PREX1: variants seen among roughly 807,000 people sequenced by gnomAD.
The protein encoded by PREX1 is phosphatidylinositol-3,4,5-trisphosphate dependent Rac exchange factor 1.
In PREX1, 41 loss-of-function variants were observed where a neutral mutation model predicts 198.3. The ratio of observed to expected loss-of-function variants is 0.21; its 90% confidence interval spans 0.16 to 0.27. The LOEUF is 0.27. Among genes scored for constraint, PREX1 ranks in the 10% least tolerant of loss-of-function variants. The probability of loss-of-function intolerance (pLI) is 1.00; values close to 1 mark genes in which losing one functional copy is unlikely to be tolerated. For synonymous variants in PREX1, 843 were observed against 887.2 expected, an observed-to-expected ratio of 0.95 and a Z score of 0.89; for missense variants, 1,620 against 2,200.7, an observed-to-expected ratio of 0.74 and a Z score of 5.28.
Position 48,632,597 on chromosome 20 carries a change from A to G in PREX1, c.4310T>C (p.Leu1437Pro). 1.2e-6 allele frequency: 2 copies of G among 1,613,956 alleles called. No homozygotes were observed. Among genetic ancestry groups the G allele is most frequent in the Non-Finnish European group, 1.7e-6 (2 of 1,179,922 alleles). The change falls in exon 34 of 40, where the codon CTG (leucine) becomes CCG (proline). Residue 1437 changes from leucine to proline, a missense_variant. Leu to Pro is a moderately conservative substitution (Grantham distance 98). Transcript: ENST00000371941. The stretch of plus-strand genomic sequence containing the variant: ...GCTGTCGAGGTAGAAGATGACCTTC[A>G]GCGCCTGCCGGCTGCCCTCAATGTG... ...FYHIEGSRQALKVIFYLDSYH... is the reference protein window; with the variant it reads ...FYHIEGSRQAPKVIFYLDSYH...
chr20:48,658,900 C>A (rs2089567023), intron 16 of PREX1, among the ~76,000 whole-genome samples: 1 of 151,860 alleles, frequency 6.6e-6, no homozygotes, highest in African/African-American at 2.4e-5. Flanking sequence ...GTACAAAGGT[C>A]CTGAGGGAGG....
At chr20:48,873,294 C>A in the PREX1 span, among the ~76,000 whole-genome samples, 1 of 152,106 alleles carries the variant, frequency 6.6e-6, no homozygotes, top group Non-Finnish European at 1.5e-5. Context: ...ATGGCCAAGA[C>A]TAAAGATGAG....
intron 8 of PREX1, chr20:48,692,351 A>C (rs944742333): frequency 4.3e-6 from 1 of 230,304 alleles, no homozygotes; most frequent in Non-Finnish European, 8.7e-6. Context: ...ATTTTAATTA[A>C]AATGTTTAGT....
intron 6 of PREX1, among the ~76,000 whole-genome samples, chr20:48,701,371 C>T (rs2089873120): frequency 1.3e-5 from 2 of 152,108 alleles, no homozygotes; most frequent in African/African-American, 4.8e-5. Flanking sequence ...CGCCACCATG[C>T]CCAGCTAATT....
chr20:48,707,653 A>G (rs1235934581), intron 6 of PREX1, among the ~76,000 whole-genome samples: 1 of 152,034 alleles, frequency 6.6e-6, no homozygotes, highest in Non-Finnish European at 1.5e-5. Flanking sequence ...ATATTTTCCC[A>G]TTTCCTTCTA....
intron 6 of PREX1, among the ~76,000 whole-genome samples, chr20:48,704,755 C>T (rs1158658997): frequency 2.0e-5 from 3 of 152,202 alleles, no homozygotes; most frequent in South Asian, 4.1e-4. Flanking sequence ...GGGGTTTCAC[C>T]GTGTTGGCCA....
At chr20:48,637,472 G>A (rs746540361) in intron 31 of PREX1, among the ~76,000 whole-genome samples, 13 of 152,188 alleles carry the variant, frequency 8.5e-5, no homozygotes, top group African/African-American at 1.4e-4. Flanking sequence ...CCTCTATCCC[G>A]GGGCCCCGTC....
chr20:48,712,413 C>T (rs1454637917), intron 5 of PREX1, among the ~76,000 whole-genome samples: 1 of 152,188 alleles, frequency 6.6e-6, no homozygotes, highest in African/African-American at 2.4e-5. Context: ...GCTCTCACCA[C>T]TTTTATTCTT....
chr20:48,759,565 A>G (rs575301941), intron 1 of PREX1, among the ~76,000 whole-genome samples: 17 of 146,758 alleles, frequency 1.2e-4, no homozygotes, highest in South Asian at 1.0e-3. Flanking sequence ...AAAAAAAAAA[A>G]AAAGAAAAGA....
At chr20:48,874,887 AAAAG>A in the PREX1 span, among the ~76,000 whole-genome samples, 3 of 151,930 alleles carry the variant, frequency 2.0e-5, no homozygotes, top group East Asian at 1.9e-4. Flanking sequence ...CAAAAAAAAA[AAAAG>A]AAAGAAAAGA....
At chr20:48,773,202 G>A (rs908555260) in intron 1 of PREX1, among the ~76,000 whole-genome samples, 1 of 145,266 alleles carries the variant, frequency 6.9e-6, no homozygotes, top group African/African-American at 2.5e-5. Context: ...AGGAGGCAAA[G>A]GTTGTAGTGA....
chr20:48,843,445 C>T, the PREX1 span, among the ~76,000 whole-genome samples: 7 of 152,160 alleles, frequency 4.6e-5, no homozygotes, highest in African/African-American at 1.7e-4. Context: ...CCCAGTACTA[C>T]AAGAAGAGAA....
intron 7 of PREX1, 121 bp from the exon 8 acceptor site, chr20:48,692,911 T>G: frequency 1.2e-6 from 1 of 814,524 alleles, no homozygotes; most frequent in South Asian, 1.4e-5. Flanking sequence ...GAGCCCCAGG[T>G]AGGGGTCAGG....
intron 1 of PREX1, among the ~76,000 whole-genome samples, chr20:48,778,107 G>A (rs559659400): frequency 1.2e-4 from 19 of 152,090 alleles, no homozygotes; most frequent in African/African-American, 3.6e-4. Flanking sequence ...AAGTACAGCC[G>A]GATTTCTGTT....
chr20:48,874,451 G>C, the PREX1 span, among the ~76,000 whole-genome samples: 1 of 151,448 alleles, frequency 6.6e-6, no homozygotes, highest in African/African-American at 2.4e-5. Flanking sequence ...TGATTTAGGA[G>C]AGTGTTCACT....
chr20:48,863,368 C>T, the PREX1 span, among the ~76,000 whole-genome samples: 2,810 of 152,220 alleles, frequency 0.018, 38 homozygotes, highest in Non-Finnish European at 0.025. Context: ...AAATGTATGA[C>T]ATGCATCCAC....
chr20:48,649,771 C>A (rs976610397), intron 24 of PREX1, among the ~76,000 whole-genome samples, 195 bp from the exon 25 acceptor site: 2 of 152,348 alleles, frequency 1.3e-5, no homozygotes, highest in South Asian at 2.1e-4. Flanking sequence ...CTACTGTGAT[C>A]TTTTCCTGCC....
chr20:48,876,069 C>T, the PREX1 span, among the ~76,000 whole-genome samples: 1 of 152,124 alleles, frequency 6.6e-6, no homozygotes, highest in Non-Finnish European at 1.5e-5. Flanking sequence ...GCTCTCTCAC[C>T]CCAAGGGACT....
Position 48,827,713 on chromosome 20 carries a change from G to C in PREX1, c.148C>G (p.Arg50Gly). The C allele has an allele frequency of 7.3e-7, 1 of 1,367,848 alleles. No homozygotes were observed. Among genetic ancestry groups the C allele is most frequent in the Non-Finnish European group, 9.6e-7 (1 of 1,046,528 alleles). 84.7% of individuals were successfully genotyped at this position (1,367,848 alleles called of 1,614,324 possible). Reference sequence around the variant, plus strand: ...AAGATCTCGTTGAGGACGCAGAGGCGGAGGCGCAGCTGGCGCTCGGACTCC... The same window carrying C: ...AAGATCTCGTTGAGGACGCAGAGGCCGAGGCGCAGCTGGCGCTCGGACTCC... The part of the protein sequence containing the change: ...ARESERQLRL[R>G]LCVLNEILGT... Residue 50 changes from arginine (R) to glycine (G), a missense_variant, in exon 1 of 40, where the codon CGC (arginine) becomes GGC (glycine). Transcript: ENST00000371941. The surrounding 1 kb of genome is among the most constrained non-coding windows in gnomAD (Gnocchi z 4.1).
Sources: allele counts gnomAD v4.1 joint callset (sites outside exome capture counted in the v4.1 genomes callset), GRCh38; gene constraint gnomAD v4.1.1; non-coding constraint Gnocchi (gnomAD v3.1); transcripts MANE v1.5; gene names NCBI Gene and HGNC (gene_info 2026-07-23, HGNC 2026-07-21).